Variants in FRAS1 observed in about 807,000 individuals in gnomAD.
FRAS1 encodes Fraser extracellular matrix complex subunit 1.
A neutral mutation model predicts 435.2 loss-of-function variants in FRAS1; 290 were observed. The ratio of observed to expected loss-of-function variants is 0.67; its 90% CI spans 0.61 to 0.73. The LOEUF (loss-of-function observed/expected upper bound fraction) is 0.73. Among genes scored for constraint, FRAS1 ranks in the 30% least tolerant of loss-of-function variants. FRAS1 has a pLI of 0.00. For missense variants in FRAS1, 4,860 were observed against 5,001.5 expected, an observed-to-expected ratio of 0.97 and a Z score of 0.85; for synonymous variants, 1,800 against 1,851.0, an observed-to-expected ratio of 0.97 and a Z score of 0.71.
intron 51 of FRAS1, among the ~76,000 whole-genome samples, chr4:78,471,967 C>A (rs1297354564): frequency 6.6e-6 from 1 of 152,156 alleles, no homozygotes; most frequent in Non-Finnish European, 1.5e-5. Context: ...TGACCTTGTG[C>A]ATGAGCCTTT....
At chr4:78,065,862 G>A (rs954920981) in intron 1 of FRAS1, 123 bp from the exon 2 acceptor site, 4 of 720,278 alleles carry the variant, frequency 5.6e-6, no homozygotes, top group African/African-American at 5.5e-5. Context: ...TTAAGATTTT[G>A]GAAGAAGCTC....
intron 2 of FRAS1, among the ~76,000 whole-genome samples, chr4:78,131,305 C>T (rs190018446): frequency 5.9e-5 from 9 of 152,058 alleles, no homozygotes; most frequent in African/African-American, 1.9e-4. Context: ...TATATTTGAT[C>T]CAGGCAGGCA....
intron 60 of FRAS1, among the ~76,000 whole-genome samples, chr4:78,499,408 T>C (rs1349048202): frequency 6.6e-6 from 1 of 152,232 alleles, no homozygotes; most frequent in African/African-American, 2.4e-5. Flanking sequence ...AAACATTCTG[T>C]GAACTGTAGT....
intron 3 of FRAS1, among the ~76,000 whole-genome samples, chr4:78,238,643 A>G (rs1724864951): frequency 6.6e-6 from 1 of 152,058 alleles, no homozygotes; most frequent in South Asian, 2.1e-4. Context: ...TTTATTGTAT[A>G]TTATGGAGCT....
intron 2 of FRAS1, among the ~76,000 whole-genome samples, chr4:78,112,757 C>G (rs1742821187): frequency 6.6e-6 from 1 of 151,812 alleles, no homozygotes; most frequent in South Asian, 2.1e-4. Flanking sequence ...CAGTGTCTGA[C>G]AAAGCTATGT....
intron 4 of FRAS1, among the ~76,000 whole-genome samples, chr4:78,250,285 T>C (rs1052951390): frequency 6.6e-6 from 1 of 152,196 alleles, no homozygotes; most frequent in African/African-American, 2.4e-5. Context: ...TGGAGATAGA[T>C]AATACATACA....
At chr4:78,190,297 T>C (rs1722473188) in intron 2 of FRAS1, among the ~76,000 whole-genome samples, 1 of 152,150 alleles carries the variant, frequency 6.6e-6, no homozygotes, top group South Asian at 2.1e-4. Flanking sequence ...TCTTTCTCCC[T>C]GGAATACTCC....
intron 2 of FRAS1, among the ~76,000 whole-genome samples, chr4:78,237,260 C>T (rs1185230250): frequency 6.6e-6 from 1 of 152,262 alleles, no homozygotes; most frequent in East Asian, 1.9e-4. Flanking sequence ...GATTTTTACT[C>T]TGGGTATTGA....
rs755089224 is a variant in FRAS1, at chr4:78,278,661, G to T, written c.988G>T (p.Glu330Ter). The change falls in exon 10 of 74, where the codon GAA (glutamate) becomes TAA (stop). Residue 330 changes from glutamate to a stop codon, truncating the protein, a stop_gained. Coordinates refer to ENST00000512123, the MANE Select transcript of FRAS1 (RefSeq NM_025074.7). LOFTEE classifies it high-confidence loss of function. ...GCAACCCTTATTTCTACAGGATGAA[G>T]AATTAATTCACTTAGATGGAAAGTG... Reference protein sequence around the residue: ...CAKVECARDEELIHLDGKCCP... With the variant: ...CAKVECARDE 1.9e-6 allele frequency: 3 copies of T among 1,582,666 alleles called. No homozygotes were observed. The highest frequency in any genetic ancestry group is 2.2e-5 in the South Asian group (2 of 90,192).
intron 2 of FRAS1, among the ~76,000 whole-genome samples, chr4:78,184,684 T>G (rs1722196073): frequency 6.6e-6 from 1 of 152,156 alleles, no homozygotes; most frequent in Non-Finnish European, 1.5e-5. Context: ...AAGGGATGAT[T>G]CAGTGAAGGG....
intron 33 of FRAS1, among the ~76,000 whole-genome samples, chr4:78,420,482 CACA>C (rs1340500761): frequency 9.5e-6 from 1 of 105,242 alleles, no homozygotes; most frequent in East Asian, 1.9e-4. Flanking sequence ...GAGAAATGAT[CACA>C]ACATTAGTTC....
chr4:78,433,991 C>T (rs1734313546), intron 38 of FRAS1, among the ~76,000 whole-genome samples: 1 of 152,184 alleles, frequency 6.6e-6, no homozygotes, highest in South Asian at 2.1e-4. Flanking sequence ...GAAAGCATAG[C>T]ATACATTTTA....
At chr4:78,142,597 A>G (rs1316720471) in intron 2 of FRAS1, among the ~76,000 whole-genome samples, 2 of 152,200 alleles carry the variant, frequency 1.3e-5, no homozygotes, top group African/African-American at 4.8e-5. Context: ...ATGGAGGCTC[A>G]GAGATACAGG....
intron 2 of FRAS1, chr4:78,181,627 C>T: frequency 6.2e-7 from 1 of 1,610,318 alleles, no homozygotes; most frequent in Non-Finnish European, 8.5e-7. Context: ...CTTCAAGTGG[C>T]TTTTCGAATC....
In FRAS1 at chr4:78,081,899, G is replaced by A. The variant is rs190127441; in HGVS notation, c.108+15883G>A. 3.9e-5 allele frequency among the ~76,000 whole-genome samples: 6 copies of A among 152,174 alleles called. No homozygotes were observed. In the East Asian group the frequency reaches 1.2e-3, roughly 29 times the overall value. ...TCCTTACGCCATATCCTTTAGAAAAGGAGGGCTGCTTCTCAGGCTTAGTGA... is the reference window on the plus strand; with the variant it reads ...TCCTTACGCCATATCCTTTAGAAAAAGAGGGCTGCTTCTCAGGCTTAGTGA... On this transcript the variant is annotated intron_variant, in intron 2 of 73. Transcript: ENST00000512123.
At chr4:78,197,708 A>G (rs971288239) in intron 2 of FRAS1, among the ~76,000 whole-genome samples, 9 of 152,092 alleles carry the variant, frequency 5.9e-5, no homozygotes, top group Non-Finnish European at 1.2e-4. Flanking sequence ...TTGGGAGGCT[A>G]AGGCGGGTGG....
intron 2 of FRAS1, among the ~76,000 whole-genome samples, chr4:78,164,673 G>A (rs1026004617): frequency 1.3e-5 from 2 of 151,774 alleles, no homozygotes; most frequent in African/African-American, 2.4e-5. Flanking sequence ...TATTTTAATG[G>A]GGTTGTACTT....
At chr4:78,292,551 C>T (rs535871873) in intron 14 of FRAS1, among the ~76,000 whole-genome samples, 5 of 152,132 alleles carry the variant, frequency 3.3e-5, no homozygotes, top group Non-Finnish European at 7.3e-5. Context: ...ACTGACCTTG[C>T]AAAGCCAGGT....
intron 18 of FRAS1, among the ~76,000 whole-genome samples, chr4:78,331,714 A>G (rs1729957611): frequency 6.6e-6 from 1 of 152,158 alleles, no homozygotes; most frequent in Middle Eastern, 3.2e-3. Flanking sequence ...ATGGCCTGAA[A>G]TGCATGGGGT....
Sources: allele counts gnomAD v4.1 joint callset (sites outside exome capture counted in the v4.1 genomes callset), GRCh38; gene constraint gnomAD v4.1.1; transcripts MANE v1.5; gene names NCBI Gene and HGNC (gene_info 2026-07-23, HGNC 2026-07-21).